The following NCEH1 variants were observed in gnomAD, a reference collection of about 807,000 sequenced individuals.
The protein encoded by NCEH1 is neutral cholesterol ester hydrolase 1.
In NCEH1, 9 loss-of-function variants were observed where a neutral mutation model predicts 25.4. The observed-to-expected ratio is 0.35, with a 90% CI of 0.21 to 0.62. The LOEUF (loss-of-function observed/expected upper bound fraction) is 0.62, where lower values mean the gene tolerates loss of function less well. NCEH1 is among the 20% of genes least tolerant of loss of function. The pLI is 0.72. For missense variants in NCEH1, 412 were observed against 501.1 expected (o/e 0.82, Z 1.70); for synonymous variants, 200 against 199.8 (o/e 1.00, Z -0.01).
In NCEH1 at chr3:172,633,344, G is replaced by A; in HGVS notation, c.*131C>T. ...AGGTTATCATAAAGACTTCAGTTAT[G>A]GAATAGAAATTCCATAACTCGCAAG... On this transcript the variant is annotated 3_prime_UTR_variant, in exon 5 of 5. Coordinates refer to ENST00000475381, the MANE Select transcript of NCEH1 (RefSeq NM_020792.6). 1 of 869,508 alleles carries A rather than the reference G, an allele frequency of 1.2e-6. No individual in the cohort carries two copies. Among genetic ancestry groups the A allele is most frequent in the Non-Finnish European group, 1.8e-6 (1 of 557,768 alleles). 53.9% of individuals were successfully genotyped at this position (869,508 alleles called of 1,614,324 possible). A position where few individuals can be genotyped will look rare whatever the true frequency, so the allele number is the denominator to read the frequency against.
At chr3:172,679,163 T>C (rs1233222639) in intron 1 of NCEH1, among the ~76,000 whole-genome samples, 2 of 152,156 alleles carry the variant, frequency 1.3e-5, no homozygotes, top group African/African-American at 2.4e-5. Context: ...ACTTGTGGAA[T>C]GCTGAGAAAG....
chr3:172,698,270 C>T (rs752908467), intron 1 of NCEH1, among the ~76,000 whole-genome samples: 1 of 152,124 alleles, frequency 6.6e-6, no homozygotes. Context: ...AGCCACTGCA[C>T]CCGGCCTCTA....
chr3:172,647,950 G>C lies in NCEH1; in HGVS notation c.303C>G (p.Pro101=), dbSNP rs373507616. 2 of 1,614,110 alleles carry C rather than the reference G, an allele frequency of 1.2e-6. No homozygotes were observed. Among genetic ancestry groups the C allele is most frequent in the Non-Finnish European group, 1.7e-6 (2 of 1,180,018 alleles). ...EVRVFEGPPK[P]EEPLKRSVVY... ...CGACGCTGCGTTTCAGTGGCTCTTCGGGCTTCGGAGGGCCTTCAAACACTC... is the reference window on the plus strand; with the variant it reads ...CGACGCTGCGTTTCAGTGGCTCTTCCGGCTTCGGAGGGCCTTCAAACACTC... The change falls in exon 2 of 5, where the codon CCC becomes CCG. Residue 101 remains proline, a synonymous_variant. Coordinates refer to ENST00000475381, the MANE Select transcript of NCEH1 (RefSeq NM_020792.6).
chr3:172,706,427 A>AT (rs924047098), intron 1 of NCEH1, among the ~76,000 whole-genome samples: 1 of 150,868 alleles, frequency 6.6e-6, no homozygotes, highest in Admixed American at 6.6e-5. Flanking sequence ...TACAACCTAA[A>AT]TTTTTTTAAC....
chr3:172,637,324 C>T (rs1716639351), intron 3 of NCEH1, among the ~76,000 whole-genome samples: 2 of 152,156 alleles, frequency 1.3e-5, no homozygotes, highest in Non-Finnish European at 2.9e-5. Flanking sequence ...AACTAATTAC[C>T]TAATTAAAAA....
chr3:172,647,640 AAACT>A (rs778189791), intron 2 of NCEH1, among the ~76,000 whole-genome samples: 5 of 152,326 alleles, frequency 3.3e-5, no homozygotes, highest in East Asian at 1.9e-4. Flanking sequence ...ATTGACAAAC[AAACT>A]AACAAGCAAA....
intron 1 of NCEH1, among the ~76,000 whole-genome samples, chr3:172,691,679 G>A (rs1208554235): frequency 6.6e-6 from 1 of 152,290 alleles, no homozygotes; most frequent in Admixed American, 6.5e-5. Context: ...GCCGGGCGCG[G>A]TGGCTCACGC....
chr3:172,637,790 G>T (rs556286471), intron 3 of NCEH1, among the ~76,000 whole-genome samples: 1 of 152,316 alleles, frequency 6.6e-6, no homozygotes, highest in African/African-American at 2.4e-5. Flanking sequence ...TCAGGAGGCT[G>T]AGGCAGGAAA....
At chr3:172,689,802 C>G (rs900754507) in intron 1 of NCEH1, among the ~76,000 whole-genome samples, 15 of 151,686 alleles carry the variant, frequency 9.9e-5, no homozygotes, top group Admixed American at 2.0e-4. Flanking sequence ...TAAAATAGAC[C>G]ATTTTATAAT....
At position 172,660,481 on chromosome 3, in the gene NCEH1, G is replaced by T. The variant is rs567608484; in HGVS notation, c.139-12367C>A. ...AGTAGCATGATTTATAATCCTTTGG[G>T]TATATACGCAGTAATGGGATTGCTG... On this transcript the variant is annotated intron_variant, in intron 1 of 4. Transcript: ENST00000475381. 4.2e-4 allele frequency among the ~76,000 whole-genome samples: 64 copies of T among 152,228 alleles called. 1 individual carries two copies. The South Asian group carries it at 0.013, about 31-fold the overall frequency.
chr3:172,630,665 G>C lies in NCEH1; in HGVS notation c.*2810C>G, dbSNP rs1049644303. On this transcript the variant is annotated 3_prime_UTR_variant, in exon 5 of 5. Coordinates refer to ENST00000475381, the MANE Select transcript of NCEH1 (RefSeq NM_020792.6). ...GAAAATGAAAGCACATTCCCAGATG[G>C]AGCAATTTTATTTCCAAACATGATT... 1 of 152,124 alleles carries C rather than the reference G, an allele frequency of 6.6e-6. No individual in the cohort carries two copies. Among genetic ancestry groups the C allele is most frequent in the Non-Finnish European group, 1.5e-5 (1 of 68,028 alleles). 9.4% of individuals were successfully genotyped at this position (152,124 alleles called of 1,614,324 possible). A position where few individuals can be genotyped will look rare whatever the true frequency, so the allele number is the denominator to read the frequency against.
intron 1 of NCEH1, among the ~76,000 whole-genome samples, chr3:172,656,964 T>C (rs549749760): frequency 2.7e-4 from 41 of 152,250 alleles, no homozygotes; most frequent in African/African-American, 9.4e-4. Flanking sequence ...GAAACTTTCT[T>C]CCCTCTTCTC....
intron 1 of NCEH1, among the ~76,000 whole-genome samples, chr3:172,663,674 G>A (rs1036587257): frequency 6.6e-6 from 1 of 152,156 alleles, no homozygotes; most frequent in Non-Finnish European, 1.5e-5. Context: ...ATTTAGGATA[G>A]TTAGCACTTC....
intron 1 of NCEH1, among the ~76,000 whole-genome samples, chr3:172,674,468 T>TGAG (rs1392914596): frequency 7.1e-6 from 1 of 140,794 alleles, no homozygotes; most frequent in Non-Finnish European, 1.5e-5. Flanking sequence ...AAAAAAAAAG[T>TGAG]GAGGGCTACT....
rs1424236120 is a variant in NCEH1 at position 172,632,085 on chromosome 3, C to G, written c.*1390G>C. 1 of 152,598 alleles carries G rather than the reference C, an allele frequency of 6.6e-6. No individual in the cohort carries two copies. The highest frequency in any genetic ancestry group is 1.5e-5 in the Non-Finnish European group (1 of 68,040). 9.5% of individuals were successfully genotyped at this position (152,598 alleles called of 1,614,324 possible). A position where few individuals can be genotyped will look rare whatever the true frequency, so the allele number is the denominator to read the frequency against. On this transcript the variant is annotated 3_prime_UTR_variant, in exon 5 of 5. Coordinates refer to ENST00000475381, the MANE Select transcript of NCEH1 (RefSeq NM_020792.6). ...CAGGTGCCAGTGTACGCCCTTCACT[C>G]AGAACATGAGCTTGTGTTCCTCTGA...
intron 1 of NCEH1, among the ~76,000 whole-genome samples, chr3:172,694,044 C>T (rs13433788): frequency 0.051 from 7,723 of 152,208 alleles, 321 homozygotes; most frequent in African/African-American, 0.11. Context: ...TAGGCACGTG[C>T]CACCACACCC....
At chr3:172,690,105 A>G (rs946886623) in intron 1 of NCEH1, among the ~76,000 whole-genome samples, 2 of 151,880 alleles carry the variant, frequency 1.3e-5, no homozygotes, top group African/African-American at 4.8e-5. Flanking sequence ...GGGTTTCACC[A>G]TGTTAGCCAG....
intron 1 of NCEH1, among the ~76,000 whole-genome samples, chr3:172,705,788 G>A (rs550431488): frequency 1.3e-5 from 2 of 152,208 alleles, no homozygotes; most frequent in Admixed American, 6.5e-5. Context: ...CCTGAGGTCA[G>A]GAGTTCAAAA....
intron 3 of NCEH1, among the ~76,000 whole-genome samples, chr3:172,641,485 C>T (rs1202416037): frequency 6.6e-6 from 1 of 152,140 alleles, no homozygotes; most frequent in Non-Finnish European, 1.5e-5. Flanking sequence ...CCCCTGCCCA[C>T]CAGCTTCCTC....
Sources: gnomAD v4.1 joint callset for allele counts (sites outside exome capture counted in the v4.1 genomes callset) on GRCh38, gnomAD v4.1.1 for gene constraint, MANE v1.5 for transcripts, NCBI Gene and HGNC (gene_info 2026-07-23, HGNC 2026-07-21) for gene names.